Variants in SGO1 observed in about 807,000 individuals in gnomAD.
SGO1 encodes the protein serologically defined breast cancer antigen NY-BR-85.
In SGO1, 39 loss-of-function variants were observed where a neutral mutation model predicts 50.5. The observed-to-expected ratio is 0.77, with a 90% CI of 0.60 to 1.01. The LOEUF (loss-of-function observed/expected upper bound fraction) is 1.01. Among genes scored for constraint, SGO1 ranks in the 50% least tolerant of loss-of-function variants. The probability of loss-of-function intolerance (pLI) is 0.00; values close to 1 mark genes in which losing one functional copy is unlikely to be tolerated. For synonymous variants in SGO1, 191 were observed against 205.1 expected (o/e 0.93, Z 0.59); for missense variants, 638 against 606.0 (o/e 1.05, Z -0.55).
At chr3:20,164,340 A>T (rs1700188707) in intron 8 of SGO1, among the ~76,000 whole-genome samples, 1 of 152,172 alleles carries the variant, frequency 6.6e-6, no homozygotes, top group South Asian at 2.1e-4. Context: ...ATATCATCTC[A>T]ATAAAGTAAC....
In SGO1 at chr3:20,184,041, A is replaced by G. The variant is rs1333695674; in HGVS notation, c.-7-7T>C. 1.9e-6 allele frequency: 3 copies of G among 1,551,296 alleles called. No individual in the cohort carries two copies. The South Asian group carries it at 3.7e-5, about 19-fold the overall frequency. ...TTCCTTGGCCATCTTTTGCCTAAACAATAAAAAATATTTTTTCTCAGAGAG... is the reference window on the plus strand; with the variant it reads ...TTCCTTGGCCATCTTTTGCCTAAACGATAAAAAATATTTTTTCTCAGAGAG... On this transcript the variant is annotated splice_polypyrimidine_tract_variant and splice_region_variant and intron_variant, in intron 1 of 7. Transcript: ENST00000412997.
chr3:20,164,969 C>A (rs903384728), downstream of SGO1, among the ~76,000 whole-genome samples: 1 of 152,136 alleles, frequency 6.6e-6, no homozygotes, highest in Non-Finnish European at 1.5e-5. Context: ...AAGGAAAACA[C>A]AGAATTTGAC....
exon 9 of SGO1, chr3:20,161,004 T>C (rs1004568673): frequency 6.5e-7 from 1 of 1,542,878 alleles, no homozygotes; most frequent in Non-Finnish European, 8.8e-7. Context: ...CACCCCTCCA[T>C]CTCTCCCCCA....
chr3:20,180,499 G>T (rs938020800), intron 3 of SGO1, among the ~76,000 whole-genome samples: 2 of 152,142 alleles, frequency 1.3e-5, no homozygotes, highest in Non-Finnish European at 2.9e-5. Context: ...TGGAGAGGGG[G>T]ATATATAGAA....
In SGO1 at chr3:20,174,718, G is replaced by A. The variant is rs199637337; in HGVS notation, c.813C>T (p.Asp271=). 1.3e-4 allele frequency: 207 copies of A among 1,613,656 alleles called. 3 individuals are homozygous for A. Among genetic ancestry groups the A allele is most frequent in the South Asian group, 1.0e-3 (93 of 91,070 alleles). The change falls in exon 6 of 8, where the codon GAC becomes GAT. Residue 271 remains aspartate (D), a synonymous_variant. Transcript: ENST00000412997. ...QPGTFTKTKE[D]ILESKSEQTK... The stretch of plus-strand genomic sequence containing the variant: ...TTTGTTCAGATTTAGATTCTAAAAT[G>A]TCTTCTTTTGTTTTAGTAAACGTTC...
intron 6 of SGO1, among the ~76,000 whole-genome samples, chr3:20,172,501 CAAA>C (rs60237637): frequency 1.2e-4 from 12 of 102,568 alleles, no homozygotes; most frequent in African/African-American, 2.1e-4. Flanking sequence ...AACTCTGTTT[CAAA>C]AAAAAAAAAA....
At chr3:20,171,456 A>T (rs1029385773) in intron 6 of SGO1, among the ~76,000 whole-genome samples, 1 of 152,136 alleles carries the variant, frequency 6.6e-6, no homozygotes, top group African/African-American at 2.4e-5. Flanking sequence ...CTCCCACTTC[A>T]GTCTTCCAAG....
At chr3:20,171,868 A>C (rs532029474) in intron 6 of SGO1, among the ~76,000 whole-genome samples, 1 of 152,338 alleles carries the variant, frequency 6.6e-6, no homozygotes, top group East Asian at 1.9e-4. Context: ...TAAACATCCA[A>C]GTTATTATAC....
At chr3:20,163,134 A>G (rs1020821465) in intron 8 of SGO1, among the ~76,000 whole-genome samples, 7 of 152,132 alleles carry the variant, frequency 4.6e-5, no homozygotes, top group African/African-American at 1.7e-4. Flanking sequence ...TGAAATAGAG[A>G]ATGAATAAAA....
At chr3:20,164,995 A>G (rs929620046), downstream of SGO1, among the ~76,000 whole-genome samples, 1 of 152,254 alleles carries the variant, frequency 6.6e-6, no homozygotes, top group East Asian at 1.9e-4. Flanking sequence ...TCAAAATGAC[A>G]TAAAGAAAAA....
intron 3 of SGO1, among the ~76,000 whole-genome samples, chr3:20,182,186 T>C (rs2125375718): frequency 6.6e-6 from 1 of 152,108 alleles, no homozygotes. Flanking sequence ...TTATTGTCTA[T>C]GTGTGTATAT....
At chr3:20,178,702 G>C (rs1701673246) in intron 3 of SGO1, among the ~76,000 whole-genome samples, 1 of 152,212 alleles carries the variant, frequency 6.6e-6, no homozygotes, top group South Asian at 2.1e-4. Context: ...GCTAGCCACT[G>C]AAAGAACAGG....
chr3:20,169,177 C>T, downstream of SGO1: 1 of 985,144 alleles, frequency 1.0e-6, no homozygotes, highest in South Asian at 4.7e-5. Flanking sequence ...AGATAACAGC[C>T]AAGAAAATCT....
chr3:20,172,932 C>T (rs939416069), intron 6 of SGO1, among the ~76,000 whole-genome samples: 14 of 152,138 alleles, frequency 9.2e-5, no homozygotes, highest in African/African-American at 3.1e-4. Context: ...TGCCACTGCC[C>T]TCCAGCCGAG....
At chr3:20,184,894 C>T (rs189825042) in intron 1 of SGO1, among the ~76,000 whole-genome samples, 190 of 151,324 alleles carry the variant, frequency 1.3e-3, no homozygotes, top group South Asian at 1.9e-3. Context: ...ACATCTTTTA[C>T]GCTAGATTGC....
chr3:20,181,211 T>A (rs917163155), intron 3 of SGO1, among the ~76,000 whole-genome samples: 1 of 152,218 alleles, frequency 6.6e-6, no homozygotes, highest in Non-Finnish European at 1.5e-5. Context: ...ATATAGCTAA[T>A]GTTCTGAAAC....
rs371187052 is a variant in SGO1 at position 20,183,466 on chromosome 3, T to G, written c.339+142A>C. 2.6e-5 allele frequency: 18 copies of G among 688,910 alleles called. No individual in the cohort carries two copies. The East Asian group carries it at 3.0e-4, about 11-fold the overall frequency. The allele number at this position is 688,910 out of a possible 1,614,324, so 42.7% of individuals were successfully genotyped here. A position where few individuals can be genotyped will look rare whatever the true frequency, so the allele number is the denominator to read the frequency against. On this transcript the variant is annotated intron_variant, in intron 3 of 7. Transcript: ENST00000412997. ...CTTAAATGGCCAAATGCAATAGCTA[T>G]GCTGGAGCACTAAAGAAGGATGTTT...
chr3:20,176,583 G>T lies in SGO1; in HGVS notation c.475+18C>A. 2.0e-6 allele frequency: 3 copies of T among 1,497,742 alleles called. No homozygotes were observed. The highest frequency in any genetic ancestry group is 2.7e-6 in the Non-Finnish European group (3 of 1,104,718). 92.8% of individuals were successfully genotyped at this position (1,497,742 alleles called of 1,614,324 possible). ...TATTTTGCCCTTAATAATATTTTTAGATTTTCACTTGAATTACCTTCTATT... is the reference window on the plus strand; with the variant it reads ...TATTTTGCCCTTAATAATATTTTTATATTTTCACTTGAATTACCTTCTATT... On this transcript the variant is annotated intron_variant, in intron 5 of 7. Coordinates refer to ENST00000412997, the MANE Select transcript of SGO1 (RefSeq NM_001199251.3).
At chr3:20,167,519 TATA>T (rs1312844289), downstream of SGO1, among the ~76,000 whole-genome samples, 1 of 152,110 alleles carries the variant, frequency 6.6e-6, no homozygotes, top group African/African-American at 2.4e-5. Flanking sequence ...AGGCAAAAGA[TATA>T]ATAATTCATA....
Sources: gnomAD v4.1 joint callset for allele counts (sites outside exome capture counted in the v4.1 genomes callset) on GRCh38, gnomAD v4.1.1 for gene constraint, MANE v1.5 for transcripts, NCBI Gene and HGNC (gene_info 2026-07-23, HGNC 2026-07-21) for gene names.